The following SLCO1A2 variants were observed in gnomAD, a reference collection of about 807,000 sequenced individuals.
The protein encoded by SLCO1A2 is solute carrier organic anion transporter family member 1A2.
In SLCO1A2, 67 loss-of-function variants were observed where a neutral mutation model predicts 69.0. The observed-to-expected ratio is 0.97, with a 90% CI of 0.80 to 1.19. The LOEUF is 1.19. Ranked by LOEUF, SLCO1A2 falls within the 50% of genes most tolerant of loss-of-function variation. The pLI is 0.00. For synonymous variants in SLCO1A2, 260 were observed against 265.9 expected (o/e 0.98, Z 0.22); for missense variants, 787 against 793.7 (o/e 0.99, Z 0.10).
chr12:21,279,526 T>C (rs1420295963), intron 12 of SLCO1A2, among the ~76,000 whole-genome samples: 1 of 152,164 alleles, frequency 6.6e-6, no homozygotes, highest in African/African-American at 2.4e-5. Context: ...GTGGAAACCT[T>C]ACAGGCCAAG....
Position 21,316,433 on chromosome 12 carries a change from G to A in SLCO1A2, c.203-1752C>T, listed in dbSNP as rs115224166. On this transcript the variant is annotated intron_variant, in intron 3 of 14. Coordinates refer to ENST00000683939, the MANE Select transcript of SLCO1A2 (RefSeq NM_001386879.1). ...GCTCCTACCTTCACTGCTTCCTAGC[G>A]TCTAAATTTGTTAGTGCCCTGGCAA... is the stretch of plus-strand genomic sequence containing the variant. Among the ~76,000 whole-genome samples, 906 of 151,846 alleles carry A rather than the reference G, an allele frequency of 6.0e-3. 6 individuals are homozygous for A. Among genetic ancestry groups the A allele is most frequent in the African/African-American group, 0.021 (869 of 41,376 alleles).
At chr12:21,298,275 GCA>G (rs888743987) in intron 8 of SLCO1A2, among the ~76,000 whole-genome samples, 4 of 152,120 alleles carry the variant, frequency 2.6e-5, no homozygotes, top group African/African-American at 9.7e-5. Context: ...GTTAGAAAAA[GCA>G]CAGAGCCAAA....
chr12:21,372,729 G>A (rs779062715), intron 2 of SLCO1A2, among the ~76,000 whole-genome samples: 1 of 152,164 alleles, frequency 6.6e-6, no homozygotes, highest in Non-Finnish European at 1.5e-5. Flanking sequence ...TATTTGCTAC[G>A]TTAATATTTA....
chr12:21,307,109 C>A (rs904094720), intron 4 of SLCO1A2, 121 bp from the exon 5 acceptor site: 4 of 597,668 alleles, frequency 6.7e-6, no homozygotes, highest in South Asian at 3.0e-5. Flanking sequence ...GTAAAAATGG[C>A]TTTTCATCCT....
intron 1 of SLCO1A2, among the ~76,000 whole-genome samples, chr12:21,387,044 T>C (rs147107893): frequency 1.0e-3 from 152 of 152,314 alleles, no homozygotes; most frequent in African/African-American, 3.6e-3. Flanking sequence ...TGACTCTTGC[T>C]ATGCTTTAGC....
chr12:21,310,140 T>C (rs1304304982), intron 4 of SLCO1A2, among the ~76,000 whole-genome samples: 2 of 152,200 alleles, frequency 1.3e-5, no homozygotes, highest in Non-Finnish European at 2.9e-5. Context: ...AATGATTTTA[T>C]AGTAGGAATT....
chr12:21,304,600 T>C, intron 5 of SLCO1A2, 27 bp from the exon 6 acceptor site: 3 of 1,577,326 alleles, frequency 1.9e-6, no homozygotes, highest in Non-Finnish European at 2.6e-6. Context: ...AGACATGACA[T>C]TAGTGCTTTG....
chr12:21,292,885 G>A (rs78735020), intron 11 of SLCO1A2, among the ~76,000 whole-genome samples: 12,899 of 152,098 alleles, frequency 0.085, 1,229 homozygotes, highest in East Asian at 0.35. Context: ...GTGAGACACC[G>A]CGCCCAGCTA....
chr12:21,375,556 C>T (rs146763938), intron 1 of SLCO1A2, among the ~76,000 whole-genome samples: 1 of 152,184 alleles, frequency 6.6e-6, no homozygotes, highest in Non-Finnish European at 1.5e-5. Context: ...TTCCCACCAA[C>T]TTTTTTACAC....
At chr12:21,335,202 A>G (rs1952840691), upstream of SLCO1A2, among the ~76,000 whole-genome samples, 1 of 151,966 alleles carries the variant, frequency 6.6e-6, no homozygotes, top group South Asian at 2.1e-4. Context: ...AGGAAGGGAA[A>G]CACTTTCTGG....
chr12:21,411,962 T>A (rs1006197855), intron 1 of SLCO1A2, among the ~76,000 whole-genome samples: 1 of 152,212 alleles, frequency 6.6e-6, no homozygotes, highest in African/African-American at 2.4e-5. Context: ...CCACTGTGCC[T>A]GGCCATCAGT....
At chr12:21,269,991 A>C (rs1470782724) in intron 14 of SLCO1A2, among the ~76,000 whole-genome samples, 2 of 150,146 alleles carry the variant, frequency 1.3e-5, no homozygotes, top group Middle Eastern at 3.2e-3. Context: ...ATTTATTTTC[A>C]TCTTTTCTAA....
intron 2 of SLCO1A2, among the ~76,000 whole-genome samples, chr12:21,364,513 C>T (rs539193539): frequency 6.6e-6 from 1 of 152,284 alleles, no homozygotes; most frequent in East Asian, 1.9e-4. Flanking sequence ...TCTCTCACCA[C>T]TCCTATTCAA....
chr12:21,275,451 A>C, intron 12 of SLCO1A2, 27 bp from the exon 13 acceptor site: 1 of 1,412,274 alleles, frequency 7.1e-7, no homozygotes, highest in Non-Finnish European at 9.4e-7. Context: ...TTTGTAAATA[A>C]AAGAAAAATA....
upstream of SLCO1A2, among the ~76,000 whole-genome samples, chr12:21,398,557 G>T (rs1244029237): frequency 6.6e-6 from 1 of 151,778 alleles, no homozygotes; most frequent in Admixed American, 6.6e-5. Context: ...CCAAAGCCAG[G>T]CAGAGACACA....
At position 21,276,708 on chromosome 12, in the gene SLCO1A2, G is replaced by A. The variant is rs578147706; in HGVS notation, c.1611-1284C>T. Among the ~76,000 whole-genome samples, 5 of 152,262 alleles carry A rather than the reference G, an allele frequency of 3.3e-5. No homozygotes were observed. In the South Asian group the frequency reaches 1.0e-3, roughly 32 times the overall value. ...CCCATCCCCCAGCAGTGGCCACATGGCATGGAGAAGGAATCTGAGCACTTG... is the reference window on the plus strand; with the variant it reads ...CCCATCCCCCAGCAGTGGCCACATGACATGGAGAAGGAATCTGAGCACTTG... On this transcript the variant is annotated intron_variant, in intron 12 of 14. Transcript: ENST00000683939.
upstream of SLCO1A2, among the ~76,000 whole-genome samples, chr12:21,397,606 T>C (rs1941521181): frequency 6.6e-6 from 1 of 152,006 alleles, no homozygotes. Context: ...ATTCCTAAAT[T>C]GACCACATAC....
chr12:21,306,768 G>T (rs1949454663), intron 5 of SLCO1A2, 114 bp downstream of exon 5: 6 of 630,220 alleles, frequency 9.5e-6, no homozygotes, highest in Non-Finnish European at 1.7e-5. Flanking sequence ...CCTGGAGAGA[G>T]AACATATCTT....
intron 1 of SLCO1A2, among the ~76,000 whole-genome samples, chr12:21,388,769 T>C (rs1941013175): frequency 6.6e-6 from 1 of 152,104 alleles, no homozygotes; most frequent in Non-Finnish European, 1.5e-5. Context: ...TACTTTCATA[T>C]ATGGCCCTTT....
Sources: allele counts gnomAD v4.1 joint callset (sites outside exome capture counted in the v4.1 genomes callset), GRCh38; gene constraint gnomAD v4.1.1; transcripts MANE v1.5; gene names NCBI Gene and HGNC (gene_info 2026-07-23, HGNC 2026-07-21).